WDHD1: variants seen among roughly 807,000 people sequenced by gnomAD.
WDHD1 encodes WD repeat and HMG-box DNA-binding protein 1.
In WDHD1, 111 loss-of-function variants were observed where a neutral mutation model predicts 135.4. That is an observed-to-expected ratio of 0.82 (90% CI 0.70 to 0.96). The LOEUF (loss-of-function observed/expected upper bound fraction) is 0.96. Among genes scored for constraint, WDHD1 ranks in the 40% least tolerant of loss-of-function variants. WDHD1 has a pLI of 0.00. For missense variants in WDHD1, 1,351 were observed against 1,336.3 expected (o/e 1.01, Z -0.17); for synonymous variants, 434 against 439.0 (o/e 0.99, Z 0.14).
At position 55,002,173 on chromosome 14, in the gene WDHD1, G is replaced by A; in HGVS notation, c.613C>T (p.Pro205Ser). 1 of 1,594,394 alleles carries A rather than the reference G, an allele frequency of 6.3e-7. No individual in the cohort carries two copies. Among genetic ancestry groups the A allele is most frequent in the Non-Finnish European group, 8.5e-7 (1 of 1,172,034 alleles). The change falls in exon 8 of 26, where the codon CCT (proline) becomes TCT (serine). Residue 205 changes from proline (P) to serine (S), a missense_variant. Pro to Ser is a moderately conservative substitution (Grantham distance 74). Transcript: ENST00000360586. ...QPKSGKLLAI[P>S]VEKSVKLYRR... is the part of the protein sequence containing the mutation. ...TATAGCTTAACAGATTTTTCCACAG[G>A]AATTGCCAGTAACTATTAGAAAAGA...
At chr14:55,013,348 G>A (rs2140226718) in intron 3 of WDHD1, 137 bp downstream of exon 3, 1 of 593,906 alleles carries the variant, frequency 1.7e-6, no homozygotes, top group Middle Eastern at 4.7e-4. Context: ...GCAAGTTACG[G>A]CATTATCATA....
At chr14:54,972,320 T>C (rs956249655) in intron 16 of WDHD1, among the ~76,000 whole-genome samples, 1 of 149,840 alleles carries the variant, frequency 6.7e-6, no homozygotes, top group African/African-American at 2.5e-5. Context: ...GGCTCATGTC[T>C]GTAATCCCAG....
chr14:55,007,517 C>A, intron 6 of WDHD1, 142 bp from the exon 7 acceptor site: 1 of 582,434 alleles, frequency 1.7e-6, no homozygotes. Flanking sequence ...TATAATAATA[C>A]CTGATATACC....
intron 11 of WDHD1, among the ~76,000 whole-genome samples, chr14:54,992,309 A>G (rs917108730): frequency 1.1e-4 from 16 of 151,780 alleles, no homozygotes; most frequent in Non-Finnish European, 2.1e-4. Context: ...TGACCTACAT[A>G]GTGAAACCCC....
rs562615857 is a variant in WDHD1 at position 54,993,899 on chromosome 14, G to A, written c.1153+1704C>T. 2.4e-4 allele frequency among the ~76,000 whole-genome samples: 37 copies of A among 152,078 alleles called. 1 individual carries two copies. The East Asian group carries it at 6.8e-3, about 28-fold the overall frequency. ...TAACTCTGTATAAATAAATGCTCTC[G>A]GAAGGGTCCTCAAAATTTTTTAGAG... On this transcript the variant is annotated intron_variant, in intron 11 of 25. Coordinates refer to ENST00000360586, the MANE Select transcript of WDHD1 (RefSeq NM_007086.4).
At chr14:55,024,501 C>G (rs186256934) in intron 2 of WDHD1, among the ~76,000 whole-genome samples, 45 of 152,314 alleles carry the variant, frequency 3.0e-4, no homozygotes, top group African/African-American at 9.6e-4. Flanking sequence ...CTCTTTTCTA[C>G]ACACCCATGT....
chr14:55,017,710 C>T (rs1003224310), intron 2 of WDHD1, among the ~76,000 whole-genome samples: 7 of 152,146 alleles, frequency 4.6e-5, no homozygotes, highest in Admixed American at 2.6e-4. Flanking sequence ...TTTGGAATTA[C>T]AATTCATGAT....
chr14:55,002,195 A>G lies in WDHD1; in HGVS notation c.601-10T>C. 6.4e-7 allele frequency: 1 copy of G among 1,551,384 alleles called. No individual in the cohort carries two copies. Among genetic ancestry groups the G allele is most frequent in the African/African-American group, 1.4e-5 (1 of 72,220 alleles). ...CAGGAATTGCCAGTAACTATTAGAA[A>G]AGATAAACAACGTAAACAAAAGTTT... On this transcript the variant is annotated splice_polypyrimidine_tract_variant and intron_variant, in intron 7 of 25. Transcript: ENST00000360586.
chr14:54,972,523 T>G (rs2041453681), intron 16 of WDHD1, among the ~76,000 whole-genome samples: 1 of 106,204 alleles, frequency 9.4e-6, no homozygotes, highest in African/African-American at 3.6e-5. Context: ...ACTACTGCAC[T>G]CCAGCCTGGG....
chr14:54,953,034 C>T (rs554605296), intron 24 of WDHD1, among the ~76,000 whole-genome samples: 12 of 152,198 alleles, frequency 7.9e-5, no homozygotes, highest in Admixed American at 1.3e-4. Context: ...AGAAGAAAAC[C>T]TAGGCAATAC....
intron 16 of WDHD1, among the ~76,000 whole-genome samples, chr14:54,980,926 C>G (rs1466147316): frequency 2.0e-5 from 3 of 151,230 alleles, no homozygotes; most frequent in Non-Finnish European, 4.4e-5. Context: ...CTGGCTAACA[C>G]GGTGAAACCC....
intron 24 of WDHD1, among the ~76,000 whole-genome samples, chr14:54,953,929 G>C (rs570686686): frequency 2.0e-5 from 3 of 152,106 alleles, no homozygotes; most frequent in Admixed American, 6.6e-5. Context: ...CAATGAGAAC[G>C]CTTGGACACA....
intron 19 of WDHD1, 31 bp downstream of exon 19, chr14:54,962,921 G>A: frequency 6.2e-7 from 1 of 1,612,578 alleles, no homozygotes; most frequent in African/African-American, 1.3e-5. Context: ...AGACAGTAAA[G>A]GAAAATTCAA....
intron 24 of WDHD1, among the ~76,000 whole-genome samples, chr14:54,953,697 C>T (rs1405609018): frequency 1.3e-5 from 2 of 152,092 alleles, no homozygotes; most frequent in Non-Finnish European, 2.9e-5. Context: ...GCACTATTCA[C>T]AATAGCAAAG....
At position 54,941,620 on chromosome 14, in the gene WDHD1, A is replaced by G. The variant is rs1460789496; in HGVS notation, c.3260T>C (p.Val1087Ala). The change falls in exon 26 of 26, where the codon GTT becomes GCT. Residue 1087 changes from valine to alanine, a missense_variant. This residue lies in a region of WDHD1 where 1,330 missense variants were observed against 1,296.1 expected (regional missense o/e 1.03). Transcript: ENST00000360586. Reference protein sequence around the residue: ...GTEAKKRKRVVDESDETENQE... With the variant: ...GTEAKKRKRVADESDETENQE... ...GTTTTCTGTTTCATCACTTTCATCA[A>G]CCACACGTTTTCGCTTCTTTGCTTC... The G allele has an allele frequency of 6.2e-7, 1 of 1,613,960 alleles. No homozygotes were observed. Among genetic ancestry groups the G allele is most frequent in the Non-Finnish European group, 8.5e-7 (1 of 1,179,940 alleles).
Position 54,963,019 on chromosome 14 carries a change from C to T in WDHD1, c.2464G>A (p.Glu822Lys), listed in dbSNP as rs760959220. ...TCTTCCACCTGGGTTGCTGTCAATT[C>T]GGCTGCCTTCTCTACAGCCAGTTCA... ...LSELAVEKAA[E>K]LTATQVEEEE... The change falls in exon 19 of 26, where the codon GAA (glutamate) becomes AAA (lysine). Residue 822 changes from glutamate (E) to lysine (K), a missense_variant. By Grantham distance (56) the Glu-to-Lys change is moderately conservative. Coordinates refer to ENST00000360586, the MANE Select transcript of WDHD1 (RefSeq NM_007086.4). 19 of 1,613,628 alleles carry T rather than the reference C, an allele frequency of 1.2e-5. No homozygotes were observed. Among genetic ancestry groups the T allele is most frequent in the East Asian group, 4.5e-5 (2 of 44,854 alleles).
chr14:55,026,797 T>C lies in WDHD1; in HGVS notation c.-10A>G, dbSNP rs1312374315. 6.2e-7 allele frequency: 1 copy of C among 1,613,978 alleles called. No individual in the cohort carries two copies. Among genetic ancestry groups the C allele is most frequent in the Non-Finnish European group, 8.5e-7 (1 of 1,179,954 alleles). ...TCCGTGTGGCAGGCATGTTTTCCTTTACCTATCTGAAAATGTTTTATAAAA... is the reference window on the plus strand; with the variant it reads ...TCCGTGTGGCAGGCATGTTTTCCTTCACCTATCTGAAAATGTTTTATAAAA... On this transcript the variant is annotated 5_prime_UTR_variant, in exon 2 of 26. Transcript: ENST00000360586.
chr14:54,950,498 C>G (rs6572992), intron 24 of WDHD1, among the ~76,000 whole-genome samples: 63,541 of 151,664 alleles, frequency 0.42, 15,076 homozygotes, highest in African/African-American at 0.65. Flanking sequence ...GATTCATAAA[C>G]CAAGTCCTTA....
chr14:54,987,484 T>G (rs1444936203), intron 13 of WDHD1, 97 bp from the exon 14 acceptor site: 10 of 1,124,140 alleles, frequency 8.9e-6, no homozygotes, highest in Admixed American at 2.9e-5. Flanking sequence ...AAAAACCAAA[T>G]AGTTTACTTC....
Sources: gnomAD v4.1 joint callset for allele counts (sites outside exome capture counted in the v4.1 genomes callset) on GRCh38, gnomAD v4.1.1 for gene constraint, gnomAD v4.1.1 regional missense constraint, MANE v1.5 for transcripts, NCBI Gene and HGNC (gene_info 2026-07-23, HGNC 2026-07-21) for gene names.